Variants in RTKN observed in about 807,000 individuals in gnomAD.
RTKN encodes rhotekin.
In RTKN, 49 loss-of-function variants were observed where a neutral mutation model predicts 63.5. The ratio of observed to expected loss-of-function variants is 0.77; its 90% CI spans 0.61 to 0.98. The LOEUF is 0.98. Among genes scored for constraint, RTKN ranks in the 50% least tolerant of loss-of-function variants. The probability of loss-of-function intolerance (pLI) is 0.00; values close to 1 mark genes in which losing one functional copy is unlikely to be tolerated. For synonymous variants in RTKN, 295 were observed against 290.4 expected (o/e 1.02, Z -0.16); for missense variants, 685 against 740.8 (o/e 0.92, Z 0.87).
At chr2:74,428,434 GC>G (rs1670539752) in intron 8 of RTKN, 38 bp from the exon 9 acceptor site, 1 of 1,613,766 alleles carries the variant, frequency 6.2e-7, no homozygotes, top group Admixed American at 1.7e-5. Context: ...GGAAGTCACG[GC>G]CCCCAGTATC....
Position 74,427,454 on chromosome 2 carries a change from C to T in RTKN, c.1225G>A (p.Glu409Lys). Residue 409 changes from glutamate to lysine, a missense_variant, in exon 10 of 12, where the codon GAG becomes AAG. By Grantham distance (56) the Glu-to-Lys change is moderately conservative. Transcript: ENST00000272430. ...TCAAAGAAAAGCTGCCACAGAGCCT[C>T]CATCCAGCTCTGCAGTGCTTCCCGA... ...ESREALQSWM[E>K]ALWQLFFDMS... 1 of 1,614,208 alleles carries T rather than the reference C, an allele frequency of 6.2e-7. No homozygotes were observed. Among genetic ancestry groups the T allele is most frequent in the South Asian group, 1.1e-5 (1 of 91,082 alleles).
chr2:74,429,153 G>A lies in RTKN; in HGVS notation c.756-211C>T, dbSNP rs569037303. Among the ~76,000 whole-genome samples the A allele has an allele frequency of 3.3e-5, 5 of 152,326 alleles. No homozygotes were observed. In the East Asian group the frequency reaches 9.6e-4, roughly 29 times the overall value. On this transcript the variant is annotated intron_variant, in intron 6 of 11. Transcript: ENST00000272430. ...TTTATCCCACTGTATTCCTATGACAGCCCTGTGAGGTTGGTGGCATTCTTC... is the reference window on the plus strand; with the variant it reads ...TTTATCCCACTGTATTCCTATGACAACCCTGTGAGGTTGGTGGCATTCTTC...
rs1054567891 is a variant in RTKN, at chr2:74,426,322, AG to A, written c.1612del (p.Leu538SerfsTer117). On this transcript the variant is annotated frameshift_variant, in exon 12 of 12. Coordinates refer to ENST00000272430, the MANE Select transcript of RTKN (RefSeq NM_001015055.2). LOFTEE classifies it high-confidence loss of function. ...HSPRARSVAPLPPQRSPRTRG... is the reference protein window; with the variant it reads ...HSPRARSVAPXPPQRSPRTRG... ...GGTCCGTGGGGATCGCTGAGGTGGG[AG>A]GGGGGCAACCGAGCGAGCCCTAGGG... 3.7e-6 allele frequency: 6 copies of A among 1,612,978 alleles called. No individual in the cohort carries two copies. The highest frequency in any genetic ancestry group is 4.2e-6 in the Non-Finnish European group (5 of 1,179,676).
intron 9 of RTKN, 145 bp downstream of exon 9, chr2:74,428,123 C>A: frequency 1.0e-6 from 1 of 983,220 alleles, no homozygotes; most frequent in Admixed American, 2.3e-5. Flanking sequence ...GGGGAAAATA[C>A]GGGCCCCTGA....
At chr2:74,437,792 T>G (rs1225604786) in intron 1 of RTKN, among the ~76,000 whole-genome samples, 1 of 152,004 alleles carries the variant, frequency 6.6e-6, no homozygotes, top group East Asian at 1.9e-4. Flanking sequence ...TTAGGTAGAG[T>G]CCCAACGAGT....
rs1670368832 is a variant in RTKN, at chr2:74,426,074, A to G, written c.*169T>C. 1.4e-6 allele frequency: 1 copy of G among 715,138 alleles called. No individual in the cohort carries two copies. Among genetic ancestry groups the G allele is most frequent in the African/African-American group, 1.8e-5 (1 of 56,442 alleles). The allele number at this position is 715,138 out of a possible 1,614,324, so 44.3% of individuals were successfully genotyped here. ...GAATGAGTCCCTCGGTACCATGGCA[A>G]CCACAATTTAAGAGGGGCTTCTGCC... On this transcript the variant is annotated 3_prime_UTR_variant, in exon 12 of 12. Transcript: ENST00000272430.
At position 74,428,693 on chromosome 2, in the gene RTKN, G is replaced by A. The variant is rs142913266; in HGVS notation, c.895C>T (p.Arg299Cys). Residue 299 changes from arginine to cysteine, a missense_variant, in exon 8 of 12, where the codon CGT becomes TGT. By Grantham distance (180) the Arg-to-Cys change is radical (BLOSUM62 -3). Transcript: ENST00000272430. ...ATGCAGAGAGGCTGAGCTGCCAGACGGCAACACACGCTACCATAAAGGGGC... is the reference window on the plus strand; with the variant it reads ...ATGCAGAGAGGCTGAGCTGCCAGACAGCAACACACGCTACCATAAAGGGGC... ...WLPLYGSVCC[R>C]LAAQPLCMTQ... 1.2e-5 allele frequency: 20 copies of A among 1,613,868 alleles called. No individual in the cohort carries two copies. The highest frequency in any genetic ancestry group is 2.2e-5 in the East Asian group (1 of 44,882).
intron 1 of RTKN, among the ~76,000 whole-genome samples, chr2:74,433,212 C>T (rs1345674807): frequency 6.7e-5 from 10 of 149,150 alleles, no homozygotes; most frequent in African/African-American, 2.2e-4. Context: ...CACTGCACCC[C>T]AGCCTGGACG....
chr2:74,436,023 G>C lies in RTKN; in HGVS notation c.112-3357C>G, dbSNP rs1359205415. Among the ~76,000 whole-genome samples the C allele has an allele frequency of 6.6e-6, 1 of 152,122 alleles. No homozygotes were observed. Among genetic ancestry groups the C allele is most frequent in the East Asian group, 1.9e-4 (1 of 5,196 alleles). On this transcript the variant is annotated intron_variant, in intron 1 of 11. Coordinates refer to ENST00000272430, the MANE Select transcript of RTKN (RefSeq NM_001015055.2). This position sits in a 1 kb window ranked among gnomAD's most constrained non-coding sequence, Gnocchi z 4.3. The stretch of plus-strand genomic sequence containing the variant: ...CTTTCAGACTACATAGGTCCTCCCA[G>C]TCTAGTTTTGTCTGCACCAGGGTTC...
At chr2:74,429,656 C>T (rs1051244572) in intron 6 of RTKN, among the ~76,000 whole-genome samples, 172 bp downstream of exon 6, 2 of 152,214 alleles carry the variant, frequency 1.3e-5, no homozygotes. Flanking sequence ...TTCAGCCCAG[C>T]TCTGGGGCGT....
intron 2 of RTKN, 41 bp from the exon 3 acceptor site, chr2:74,430,718 C>A: frequency 3.2e-6 from 5 of 1,574,288 alleles, no homozygotes; most frequent in Non-Finnish European, 4.3e-6. Context: ...CCTCTAGCCA[C>A]TATTCCCCCT....
chr2:74,440,636 G>C (rs1178860271), intron 1 of RTKN: 2 of 909,872 alleles, frequency 2.2e-6, no homozygotes, highest in Non-Finnish European at 2.6e-6. Flanking sequence ...CCCTCCCCCT[G>C]GTCCCGGGCC....
At position 74,428,937 on chromosome 2, in the gene RTKN, G is replaced by A; in HGVS notation, c.761C>T (p.Pro254Leu). 1 of 1,613,660 alleles carries A rather than the reference G, an allele frequency of 6.2e-7. No individual in the cohort carries two copies. ...ILLPTPVVGGPRYHLLAHTTL... is the reference protein window; with the variant it reads ...ILLPTPVVGGLRYHLLAHTTL... The stretch of plus-strand genomic sequence containing the variant: ...GGTGTGAGCCAAGAGGTGGTAACGA[G>A]GACCACTGAGGGAGATAGGAGAGAG... The change falls in exon 7 of 12, where the codon CCT (proline) becomes CTT (leucine). Residue 254 changes from proline to leucine, a missense_variant. Coordinates refer to ENST00000272430, the MANE Select transcript of RTKN (RefSeq NM_001015055.2).
intron 6 of RTKN, 23 bp downstream of exon 6, chr2:74,429,805 G>A: frequency 1.2e-6 from 2 of 1,602,044 alleles, no homozygotes; most frequent in Non-Finnish European, 1.7e-6. Context: ...AGCTGAGGGT[G>A]GTGTCGGTGT....
chr2:74,430,079 G>A, intron 5 of RTKN, 42 bp from the exon 6 acceptor site: 1 of 1,606,840 alleles, frequency 6.2e-7, no homozygotes, highest in Non-Finnish European at 8.5e-7. Context: ...GGAAAGTCCA[G>A]GGAGGCAGAG....
intron 8 of RTKN, 108 bp downstream of exon 8, chr2:74,428,523 C>A: frequency 6.4e-7 from 1 of 1,553,518 alleles, no homozygotes; most frequent in South Asian, 1.1e-5. Flanking sequence ...TGGCCATACC[C>A]CATTTCTTCC....
At chr2:74,439,792 A>C (rs1572904004) in intron 1 of RTKN, 1 of 1,425,978 alleles carries the variant, frequency 7.0e-7, no homozygotes, top group Non-Finnish European at 9.3e-7. Context: ...CTCCTGTTAA[A>C]CCCCTCTGGC....
chr2:74,426,504 C>A lies in RTKN; in HGVS notation c.1431G>T (p.Glu477Asp), dbSNP rs1392695879. ...ACATTGCCAGCCAGGGTGGGGGTGT[C>A]TCCAGCCTTGCGCCCTCCCGCTGGG... Reference protein sequence around the residue: ...ILTQREGARLETPPPWLAMFT... With the variant: ...ILTQREGARLDTPPPWLAMFT... Residue 477 changes from glutamate (E) to aspartate (D), a missense_variant, in exon 12 of 12, where the codon GAG becomes GAT. Physicochemically the swap from Glu to Asp is conservative, Grantham distance 45. Coordinates refer to ENST00000272430, the MANE Select transcript of RTKN (RefSeq NM_001015055.2). 2 of 1,585,396 alleles carry A rather than the reference C, an allele frequency of 1.3e-6. No individual in the cohort carries two copies. The highest frequency in any genetic ancestry group is 1.7e-6 in the Non-Finnish European group (2 of 1,163,320).
At chr2:74,433,577 C>G (rs945951809) in intron 1 of RTKN, among the ~76,000 whole-genome samples, 2 of 151,928 alleles carry the variant, frequency 1.3e-5, no homozygotes, top group African/African-American at 4.8e-5. Flanking sequence ...CAAGCTCCAC[C>G]TCCTGGGGTT....
Sources: gnomAD v4.1 joint callset for allele counts (sites outside exome capture counted in the v4.1 genomes callset) on GRCh38, gnomAD v4.1.1 for gene constraint, Gnocchi (gnomAD v3.1) non-coding constraint, MANE v1.5 for transcripts, NCBI Gene and HGNC (gene_info 2026-07-23, HGNC 2026-07-21) for gene names.